Variants in CCSAP observed in about 807,000 individuals in gnomAD.
CCSAP encodes the protein centriole, cilia and spindle-associated protein.
CCSAP carries 17 observed loss-of-function variants against 25.9 expected under a neutral mutation model. That is an observed-to-expected ratio of 0.66 (90% CI 0.45 to 0.99). The LOEUF is 0.99. Ranked by LOEUF, CCSAP falls within the 50% of genes least tolerant of loss-of-function variation. CCSAP has a pLI of 0.00. For synonymous variants in CCSAP, 169 were observed against 157.1 expected (o/e 1.08, Z -0.57); for missense variants, 339 against 367.8 (o/e 0.92, Z 0.64).
At chr1:229,333,164 G>A (rs767768016) in intron 2 of CCSAP, among the ~76,000 whole-genome samples, 95 of 152,326 alleles carry the variant, frequency 6.2e-4, no homozygotes, top group South Asian at 2.1e-4. Flanking sequence ...CGGGCGCGGT[G>A]GCTCACGCCT....
intron 2 of CCSAP, among the ~76,000 whole-genome samples, chr1:229,337,044 C>T (rs1225722135): frequency 6.6e-5 from 10 of 151,946 alleles, no homozygotes. Flanking sequence ...GGAGGCACAC[C>T]ATCCAACTAA....
At position 229,321,162 on chromosome 1, in the gene CCSAP, G is replaced by A. The variant is rs917776542; in HGVS notation, c.*4073C>T. The A allele has an allele frequency of 4.6e-5, 7 of 152,164 alleles. No individual in the cohort carries two copies. The highest frequency in any genetic ancestry group is 1.7e-4 in the African/African-American group (7 of 41,450). 9.4% of individuals were successfully genotyped at this position (152,164 alleles called of 1,614,324 possible). A position where few individuals can be genotyped will look rare whatever the true frequency, so the allele number is the denominator to read the frequency against. On this transcript the variant is annotated 3_prime_UTR_variant, in exon 4 of 4. Transcript: ENST00000284617. ...TATGTGCCCAGCCTTTGTTCCTCCA[G>A]AATTTTAAAGTGAATGCAGTGCTCA... is the stretch of plus-strand genomic sequence containing the variant.
intron 2 of CCSAP, chr1:229,340,389 C>A (rs1658303104): frequency 1.4e-6 from 1 of 716,432 alleles, no homozygotes; most frequent in Non-Finnish European, 2.6e-6. Flanking sequence ...TAATCATGAA[C>A]TCAGAGCTTA....
Position 229,339,962 on chromosome 1 carries a change from AC to A in CCSAP, c.367+2136del, listed in dbSNP as rs111593300. Among the ~76,000 whole-genome samples the A allele has an allele frequency of 6.3e-3, 952 of 152,310 alleles. 9 individuals carry two copies. The highest frequency in any genetic ancestry group is 0.022 in the African/African-American group (897 of 41,562). ...AGATAATGTTAAAAACTGAAAAAAA[AC>A]AATCACATGTCAATAAAAGCCATGT... On this transcript the variant is annotated intron_variant, in intron 2 of 3. Coordinates refer to ENST00000284617, the MANE Select transcript of CCSAP (RefSeq NM_145257.5).
intron 3 of CCSAP, among the ~76,000 whole-genome samples, chr1:229,326,255 T>G (rs1307881688): frequency 6.6e-6 from 1 of 152,180 alleles, no homozygotes; most frequent in Non-Finnish European, 1.5e-5. Context: ...CCATTTGAAT[T>G]TAATCAGAGG....
At position 229,326,852 on chromosome 1, in the gene CCSAP, C is replaced by T. The variant is rs373463286; in HGVS notation, c.522G>A (p.Ser174=). Residue 174 remains serine, a synonymous_variant, in exon 3 of 4, where the codon TCG becomes TCA. Transcript: ENST00000284617. The part of the protein sequence containing the change: ...RKAVKSPQRS[S]SKIKENKHPF... Reference sequence around the variant, plus strand: ...GATGCTTGTTTTCTTTTATTTTACTCGATGATCTTTGGGGACTTTTGACCG... The same window carrying T: ...GATGCTTGTTTTCTTTTATTTTACTTGATGATCTTTGGGGACTTTTGACCG... 6.8e-6 allele frequency: 11 copies of T among 1,614,048 alleles called. No individual in the cohort carries two copies. The highest frequency in any genetic ancestry group is 4.0e-5 in the African/African-American group (3 of 74,916).
intron 2 of CCSAP, among the ~76,000 whole-genome samples, chr1:229,334,973 T>G (rs1658163466): frequency 6.6e-6 from 1 of 152,098 alleles, no homozygotes; most frequent in Admixed American, 6.5e-5. Flanking sequence ...GGATGAATCC[T>G]AACTGCCAGA....
intron 2 of CCSAP, among the ~76,000 whole-genome samples, chr1:229,335,654 G>A (rs983821011): frequency 2.0e-5 from 3 of 152,200 alleles, no homozygotes; most frequent in Non-Finnish European, 4.4e-5. Context: ...GTCTCCGGAC[G>A]CTGTCCTTAC....
At position 229,323,437 on chromosome 1, in the gene CCSAP, C is replaced by CT; in HGVS notation, c.*1797dup. The CT allele has an allele frequency of 6.6e-6, 1 of 152,208 alleles. No individual in the cohort carries two copies. The highest frequency in any genetic ancestry group is 2.1e-4 in the South Asian group (1 of 4,836). 9.4% of individuals were successfully genotyped at this position (152,208 alleles called of 1,614,324 possible). A position where few individuals can be genotyped will look rare whatever the true frequency, so the allele number is the denominator to read the frequency against. ...TGCAACACAAGCCTGAGCTGGATGA[C>CT]TAACACCGAACATGCAAGAAGCGAC... On this transcript the variant is annotated 3_prime_UTR_variant, in exon 4 of 4. Coordinates refer to ENST00000284617, the MANE Select transcript of CCSAP (RefSeq NM_145257.5).
chr1:229,333,508 G>T (rs181354181), intron 2 of CCSAP, among the ~76,000 whole-genome samples: 140 of 151,106 alleles, frequency 9.3e-4, no homozygotes, highest in African/African-American at 3.2e-3. Flanking sequence ...AAATGTGAAG[G>T]TACTTAATGC....
At chr1:229,331,806 T>TTATTATTAG (rs1658076249) in intron 2 of CCSAP, among the ~76,000 whole-genome samples, 2 of 145,858 alleles carry the variant, frequency 1.4e-5, no homozygotes, top group Admixed American at 1.4e-4. Context: ...ATTATTATTA[T>TTATTATTAG]TATTATTATT....
intron 2 of CCSAP, among the ~76,000 whole-genome samples, chr1:229,335,179 TATA>T (rs1353864687): frequency 1.3e-5 from 2 of 152,032 alleles, no homozygotes; most frequent in Non-Finnish European, 2.9e-5. Flanking sequence ...AATAGCCAGG[TATA>T]ATGACGCACA....
chr1:229,323,459 C>T lies in CCSAP; in HGVS notation c.*1776G>A, dbSNP rs1016558408. ...TGACTAACACCGAACATGCAAGAAG[C>T]GACTTTAAAGGAACAGTTTTCACAA... On this transcript the variant is annotated 3_prime_UTR_variant, in exon 4 of 4. Coordinates refer to ENST00000284617, the MANE Select transcript of CCSAP (RefSeq NM_145257.5). 10 of 152,146 alleles carry T rather than the reference C, an allele frequency of 6.6e-5. No homozygotes were observed. Among genetic ancestry groups the T allele is most frequent in the South Asian group, 2.1e-4 (1 of 4,828 alleles). The allele number at this position is 152,146 out of a possible 1,614,324, so 9.4% of individuals were successfully genotyped here.
At chr1:229,330,833 T>C (rs1206279980) in intron 2 of CCSAP, among the ~76,000 whole-genome samples, 1 of 118,216 alleles carries the variant, frequency 8.5e-6, no homozygotes, top group Non-Finnish European at 1.8e-5. Flanking sequence ...CAACTCCATC[T>C]AAAAAAAAAA....
At chr1:229,337,748 C>A (rs1658230203) in intron 2 of CCSAP, among the ~76,000 whole-genome samples, 1 of 126,322 alleles carries the variant, frequency 7.9e-6, no homozygotes, top group African/African-American at 3.0e-5. Flanking sequence ...TGCGTGTCTC[C>A]AAGGGAAAAA....
At chr1:229,332,819 G>A (rs1365078825) in intron 2 of CCSAP, among the ~76,000 whole-genome samples, 1 of 152,064 alleles carries the variant, frequency 6.6e-6, no homozygotes, top group Non-Finnish European at 1.5e-5. Context: ...GGCTACCCTG[G>A]CAGACAGCGC....
At chr1:229,329,963 C>G (rs1438533801) in intron 2 of CCSAP, among the ~76,000 whole-genome samples, 1 of 152,086 alleles carries the variant, frequency 6.6e-6, no homozygotes, top group Non-Finnish European at 1.5e-5. Flanking sequence ...TGCACTCCAC[C>G]CTGGGCAACA....
At chr1:229,333,292 G>A (rs1402483416) in intron 2 of CCSAP, among the ~76,000 whole-genome samples, 2 of 152,064 alleles carry the variant, frequency 1.3e-5, no homozygotes, top group Non-Finnish European at 2.9e-5. Flanking sequence ...AATTAGCCGG[G>A]CGTGGTGTCA....
At position 229,326,831 on chromosome 1, in the gene CCSAP, C is replaced by T. The variant is rs1198962701; in HGVS notation, c.543G>A (p.Lys181=). ...QRSSSKIKEN[K]HPFALYGWGE... is the part of the protein sequence containing the mutation. ...CCCAGCCATAAAGAGCAAATGGATG[C>T]TTGTTTTCTTTTATTTTACTCGATG... is the stretch of plus-strand genomic sequence containing the variant. Residue 181 remains lysine (K), a synonymous_variant, in exon 3 of 4, where the codon AAG becomes AAA. Transcript: ENST00000284617. 1.9e-6 allele frequency: 3 copies of T among 1,614,188 alleles called. No individual in the cohort carries two copies. The highest frequency in any genetic ancestry group is 2.2e-5 in the South Asian group (2 of 91,088).
Sources: gnomAD v4.1 joint callset for allele counts (sites outside exome capture counted in the v4.1 genomes callset) on GRCh38, gnomAD v4.1.1 for gene constraint, MANE v1.5 for transcripts, NCBI Gene and HGNC (gene_info 2026-07-23, HGNC 2026-07-21) for gene names.